The following SLC13A2 variants were observed in gnomAD, a reference collection of about 807,000 sequenced individuals.
SLC13A2 encodes Na(+)-coupled citrate transporter.
A neutral mutation model predicts 58.5 loss-of-function variants in SLC13A2; 40 were observed. The observed-to-expected ratio is 0.68, with a 90% CI of 0.53 to 0.89. The LOEUF (loss-of-function observed/expected upper bound fraction) is 0.89. Ranked by LOEUF, SLC13A2 falls within the 40% of genes least tolerant of loss-of-function variation. The pLI is 0.00. For missense variants in SLC13A2, 694 were observed against 772.6 expected (o/e 0.90, Z 1.21); for synonymous variants, 341 against 331.6 (o/e 1.03, Z -0.31).
intron 1 of SLC13A2, among the ~76,000 whole-genome samples, chr17:28,485,784 C>T (rs759218489): frequency 1.5e-4 from 23 of 151,490 alleles, no homozygotes; most frequent in African/African-American, 3.4e-4. Flanking sequence ...ACCAGCAATT[C>T]GAGACCAGCC....
intron 1 of SLC13A2, among the ~76,000 whole-genome samples, chr17:28,478,285 G>A (rs548833757): frequency 1.2e-4 from 18 of 152,300 alleles, no homozygotes; most frequent in Non-Finnish European, 2.2e-4. Context: ...TCTCATGTCC[G>A]TCCAGCTGTC....
chr17:28,481,801 G>A (rs925644814), intron 1 of SLC13A2, among the ~76,000 whole-genome samples: 1 of 152,194 alleles, frequency 6.6e-6, no homozygotes, highest in Non-Finnish European at 1.5e-5. Context: ...CTTCCTGGAA[G>A]AGACTTCCAT....
Position 28,489,327 on chromosome 17 carries a change from C to T in SLC13A2, c.216C>T (p.Ile72=), listed in dbSNP as rs11568470. ...FPLILFPMMG[I]VDASEVAVEY... is the part of the protein sequence containing the mutation. ...TAATCCTGTTCCCTATGATGGGCAT[C>T]GTGGATGCCTCTGAGGTGAGCCCCA... Residue 72 remains isoleucine, a synonymous_variant, in exon 2 of 12, where the codon ATC becomes ATT. Transcript: ENST00000314669. 400 of 1,608,128 alleles carry T rather than the reference C, an allele frequency of 2.5e-4. 1 individual carries two copies. In the East Asian group the frequency reaches 7.9e-3, roughly 32 times the overall value.
In SLC13A2 at chr17:28,493,715, G is replaced by A. The variant is rs1375862696; in HGVS notation, c.1023G>A (p.Leu341=). The change falls in exon 7 of 12, where the codon CTG becomes CTA. Residue 341 remains leucine, a synonymous_variant. Coordinates refer to ENST00000314669, the MANE Select transcript of SLC13A2 (RefSeq NM_003984.4). ...AISILFVILV[L]LWFTREPGFF... Reference sequence around the variant, plus strand: ...GCATCCTATTCGTCATCCTGGTGCTGCTCTGGTTCACCCGGGAGCCGGGCT... The same window carrying A: ...GCATCCTATTCGTCATCCTGGTGCTACTCTGGTTCACCCGGGAGCCGGGCT... 3.1e-6 allele frequency: 5 copies of A among 1,614,132 alleles called. No homozygotes were observed. Among genetic ancestry groups the A allele is most frequent in the East Asian group, 2.2e-5 (1 of 44,896 alleles).
chr17:28,477,414 T>A lies in SLC13A2; in HGVS notation c.102+3600T>A, dbSNP rs185946449. On this transcript the variant is annotated intron_variant, in intron 1 of 11. Transcript: ENST00000314669. ...TTTCACCGTGTTAGCCAGGATGGTC[T>A]TGATCTCCTGACCTCGTGATCCGCC... Among the ~76,000 whole-genome samples the A allele has an allele frequency of 6.2e-3, 940 of 151,808 alleles. 9 individuals carry two copies. The highest frequency in any genetic ancestry group is 0.021 in the African/African-American group (868 of 41,482).
Position 28,496,066 on chromosome 17 carries a change from C to G in SLC13A2, c.1470+250C>G, listed in dbSNP as rs2069137155. ...CCTGATGGGGATCCTGGTGGCCTCACCCACCTCCCCACCCCAGTCCCTGTT... is the reference window on the plus strand; with the variant it reads ...CCTGATGGGGATCCTGGTGGCCTCAGCCACCTCCCCACCCCAGTCCCTGTT... On this transcript the variant is annotated intron_variant, in intron 10 of 11. Coordinates refer to ENST00000314669, the MANE Select transcript of SLC13A2 (RefSeq NM_003984.4). The surrounding 1 kb of genome is among the most constrained non-coding windows in gnomAD (Gnocchi z 4.2). 6.6e-6 allele frequency among the ~76,000 whole-genome samples: 1 copy of G among 151,136 alleles called. No homozygotes were observed. Among genetic ancestry groups the G allele is most frequent in the Non-Finnish European group, 1.5e-5 (1 of 68,026 alleles).
At chr17:28,492,309 G>A (rs2069044469) in intron 6 of SLC13A2, among the ~76,000 whole-genome samples, 1 of 137,374 alleles carries the variant, frequency 7.3e-6, no homozygotes, top group South Asian at 2.1e-4. Context: ...ATGATATGGT[G>A]GGGTCACGAC....
chr17:28,484,769 G>A (rs2068846382), intron 1 of SLC13A2, among the ~76,000 whole-genome samples: 1 of 152,182 alleles, frequency 6.6e-6, no homozygotes, highest in Admixed American at 6.5e-5. Flanking sequence ...ATAAATGGGA[G>A]CACTCAAGGG....
chr17:28,489,896 G>A (rs986178324), intron 2 of SLC13A2, among the ~76,000 whole-genome samples: 6 of 152,172 alleles, frequency 3.9e-5, no homozygotes, highest in African/African-American at 7.2e-5. Context: ...ATGGAATCAC[G>A]GTAGATTATC....
rs146998121 is a variant in SLC13A2, at chr17:28,490,463, G to C, written c.241G>C (p.Glu81Gln). ...TGTCTCCACCTGCCAGGTTGCCGTCGAGTATCTTAAGGACTCCAACCTCCT... is the reference window on the plus strand; with the variant it reads ...TGTCTCCACCTGCCAGGTTGCCGTCCAGTATCTTAAGGACTCCAACCTCCT... ...GIVDASEVAVEYLKDSNLLFF... is the reference protein window; with the variant it reads ...GIVDASEVAVQYLKDSNLLFF... The change falls in exon 3 of 12, where the codon GAG (glutamate) becomes CAG (glutamine). Residue 81 changes from glutamate to glutamine, a missense_variant. By Grantham distance (29) the Glu-to-Gln change is conservative (BLOSUM62 2). Coordinates refer to ENST00000314669, the MANE Select transcript of SLC13A2 (RefSeq NM_003984.4). The C allele has an allele frequency of 3.1e-6, 5 of 1,613,900 alleles. No individual in the cohort carries two copies. Among genetic ancestry groups the C allele is most frequent in the Non-Finnish European group, 4.2e-6 (5 of 1,180,016 alleles).
chr17:28,478,611 G>T (rs781788442), intron 1 of SLC13A2, among the ~76,000 whole-genome samples: 23 of 152,170 alleles, frequency 1.5e-4, no homozygotes, highest in Non-Finnish European at 3.2e-4. Flanking sequence ...AGATGTAGGG[G>T]CCAGGAATAG....
At chr17:28,476,993 T>TA (rs112478802) in intron 1 of SLC13A2, among the ~76,000 whole-genome samples, 9,840 of 149,252 alleles carry the variant, frequency 0.066, 814 homozygotes, top group African/African-American at 0.2. Context: ...CCCGTCTCTA[T>TA]AAAAAAAAAC....
chr17:28,490,429 G>A (rs11568465), intron 2 of SLC13A2, 25 bp from the exon 3 acceptor site: 1,130 of 1,614,066 alleles, frequency 7.0e-4, no homozygotes, highest in Non-Finnish European at 8.7e-4. Context: ...TCTTCCCGCC[G>A]CTCAGCCATG....
chr17:28,476,293 G>T (rs573866984), intron 1 of SLC13A2, among the ~76,000 whole-genome samples: 192 of 152,218 alleles, frequency 1.3e-3, no homozygotes, highest in African/African-American at 4.6e-3. Flanking sequence ...CATTGGCCAG[G>T]CGCAGTGGCT....
Position 28,497,212 on chromosome 17 carries a change from C to T in SLC13A2, c.1722C>T (p.Ser574=), listed in dbSNP as rs1343209706. The T allele has an allele frequency of 2.5e-6, 4 of 1,614,142 alleles. No individual in the cohort carries two copies. The highest frequency in any genetic ancestry group is 3.4e-6 in the Non-Finnish European group (4 of 1,180,004). Residue 574 remains serine (S), a synonymous_variant, in exon 12 of 12, where the codon TCC becomes TCT. Transcript: ENST00000314669. ...ACTCTTTCCCCTCCTGGGCACAGTC[C>T]AACACCACAGCCCAGTGCCTGCCAA... ...SLHSFPSWAQ[S]NTTAQCLPSL...
chr17:28,477,357 C>A (rs2068698590), intron 1 of SLC13A2, among the ~76,000 whole-genome samples: 1 of 151,022 alleles, frequency 6.6e-6, no homozygotes, highest in Non-Finnish European at 1.5e-5. Flanking sequence ...CCACGCCCGG[C>A]TAATTTTTTT....
In SLC13A2 at chr17:28,477,384, C is replaced by T. The variant is rs185210815; in HGVS notation, c.102+3570C>T. Reference sequence around the variant, plus strand: ...AATTTTTTTGTATTTTTAGTAGAGACGGGGTTTCACCGTGTTAGCCAGGAT... The same window carrying T: ...AATTTTTTTGTATTTTTAGTAGAGATGGGGTTTCACCGTGTTAGCCAGGAT... On this transcript the variant is annotated intron_variant, in intron 1 of 11. Coordinates refer to ENST00000314669, the MANE Select transcript of SLC13A2 (RefSeq NM_003984.4). Among the ~76,000 whole-genome samples the T allele has an allele frequency of 8.9e-3, 1,343 of 151,500 alleles. 13 individuals carry two copies. The highest frequency in any genetic ancestry group is 0.021 in the South Asian group (103 of 4,796).
intron 1 of SLC13A2, among the ~76,000 whole-genome samples, chr17:28,477,409 T>C (rs2068702189): frequency 6.6e-6 from 1 of 151,802 alleles, no homozygotes; most frequent in Non-Finnish European, 1.5e-5. Context: ...TTAGCCAGGA[T>C]GGTCTTGATC....
intron 4 of SLC13A2, 45 bp downstream of exon 4, chr17:28,490,951 G>A (rs1555603275): frequency 2.6e-6 from 4 of 1,536,872 alleles, no homozygotes; most frequent in Non-Finnish European, 3.5e-6. Flanking sequence ...CTTGGTTCTT[G>A]GAGAGAGTCT....
Sources: allele counts gnomAD v4.1 joint callset (sites outside exome capture counted in the v4.1 genomes callset), GRCh38; gene constraint gnomAD v4.1.1; non-coding constraint Gnocchi (gnomAD v3.1); transcripts MANE v1.5; gene names NCBI Gene and HGNC (gene_info 2026-07-23, HGNC 2026-07-21).